The following PSD3 variants were observed in gnomAD, a reference collection of about 807,000 sequenced individuals.
PSD3 encodes the protein PH and SEC7 domain-containing protein 3.
Under a neutral mutation model 105.5 loss-of-function variants are expected in PSD3, and 49 were observed. The observed-to-expected ratio is 0.46, with a 90% CI of 0.37 to 0.59. PSD3 has a LOEUF of 0.59. Among genes scored for constraint, PSD3 ranks in the 20% least tolerant of loss-of-function variants. The pLI, the probability that PSD3 is intolerant of heterozygous loss-of-function variation, is 0.00. For missense variants in PSD3, 1,561 were observed against 1,263.8 expected (o/e 1.24, Z -3.57); for synonymous variants, 557 against 457.8 (o/e 1.22, Z -2.77).
chr8:18,622,510 G>T (rs1563390038), intron 11 of PSD3, among the ~76,000 whole-genome samples: 1 of 151,924 alleles, frequency 6.6e-6, no homozygotes, highest in South Asian at 2.1e-4. Context: ...GCTTTTATTT[G>T]TATCTGTATT....
At chr8:18,624,695 GAAT>G (rs554598106) in intron 11 of PSD3, among the ~76,000 whole-genome samples, 2 of 134,214 alleles carry the variant, frequency 1.5e-5, no homozygotes, top group South Asian at 4.9e-4. Flanking sequence ...AAAAAAAAAA[GAAT>G]AAAAGAAAAA....
intron 4 of PSD3, among the ~76,000 whole-genome samples, chr8:18,813,855 T>C (rs1190002913): frequency 6.6e-6 from 1 of 152,210 alleles, no homozygotes; most frequent in East Asian, 1.9e-4. Context: ...ATGCTTGGCA[T>C]GTAAGATGTC....
chr8:18,653,517 G>A lies in PSD3; in HGVS notation c.2216+2125C>T, dbSNP rs145604320. On this transcript the variant is annotated intron_variant, in intron 10 of 15. Transcript: ENST00000327040. ...ATATTTGCTCAGTCTTGCAAAAGAG[G>A]AAACTGAGGACTACAGGTTAACTTG... Among the ~76,000 whole-genome samples, 756 of 152,234 alleles carry A rather than the reference G, an allele frequency of 5.0e-3. 7 individuals are homozygous for A. The highest frequency in any genetic ancestry group is 0.017 in the African/African-American group (701 of 41,560).
At chr8:18,599,520 C>CTACA (rs1804279260) in intron 12 of PSD3, among the ~76,000 whole-genome samples, 1 of 152,132 alleles carries the variant, frequency 6.6e-6, no homozygotes, top group Admixed American at 6.5e-5. Flanking sequence ...AGAATATGTG[C>CTACA]TACAGTAGGC....
intron 4 of PSD3, among the ~76,000 whole-genome samples, chr8:18,857,346 G>T (rs773503656): frequency 6.6e-6 from 1 of 152,110 alleles, no homozygotes; most frequent in Non-Finnish European, 1.5e-5. Context: ...AATTTTGCTC[G>T]AGCAGGTCCA....
intron 1 of PSD3, among the ~76,000 whole-genome samples, chr8:19,049,474 G>C (rs1280046437): frequency 1.3e-5 from 2 of 152,052 alleles, no homozygotes; most frequent in African/African-American, 2.4e-5. Flanking sequence ...AGAAATGCTT[G>C]AGGCCAGAAG....
intron 9 of PSD3, among the ~76,000 whole-genome samples, chr8:18,710,731 G>T (rs1802201605): frequency 6.6e-6 from 1 of 152,042 alleles, no homozygotes; most frequent in Non-Finnish European, 1.5e-5. Flanking sequence ...GCCAAGGCTG[G>T]AGTGCAGTGG....
At chr8:18,708,969 C>T (rs79469673) in intron 9 of PSD3, among the ~76,000 whole-genome samples, 12,611 of 152,202 alleles carry the variant, frequency 0.083, 1,124 homozygotes, top group East Asian at 0.22. Flanking sequence ...AGTATCTATG[C>T]AACCTGCGGA....
At chr8:18,878,406 T>C (rs1817874399) in intron 2 of PSD3, among the ~76,000 whole-genome samples, 1 of 152,142 alleles carries the variant, frequency 6.6e-6, no homozygotes, top group African/African-American at 2.4e-5. Flanking sequence ...ACAATCCCAA[T>C]CCATCTTTCT....
chr8:18,871,831 T>A lies in PSD3; in HGVS notation c.1033A>T (p.Ile345Phe). Residue 345 changes from isoleucine to phenylalanine, a missense_variant, in exon 3 of 16, where the codon ATC becomes TTC. Physicochemically the swap from Ile to Phe is conservative, Grantham distance 21. Transcript: ENST00000327040. ...KESSKVPRHLISSAGLCNSSS... is the reference protein window; with the variant it reads ...KESSKVPRHLFSSAGLCNSSS... Reference sequence around the variant, plus strand: ...GAATTACACAAACCAGCTGATGAGATGAGATGGCGTGGCACTTTGGAAGAC... The same window carrying A: ...GAATTACACAAACCAGCTGATGAGAAGAGATGGCGTGGCACTTTGGAAGAC... The A allele has an allele frequency of 6.2e-7, 1 of 1,613,348 alleles. No homozygotes were observed. The highest frequency in any genetic ancestry group is 8.5e-7 in the Non-Finnish European group (1 of 1,179,224).
At chr8:18,773,553 G>A (rs982442286) in intron 8 of PSD3, among the ~76,000 whole-genome samples, 1 of 152,086 alleles carries the variant, frequency 6.6e-6, no homozygotes, top group African/African-American at 2.4e-5. Context: ...TGAATCTGTA[G>A]ATTACTTTGT....
chr8:18,686,628 C>T (rs1363126070), intron 9 of PSD3, among the ~76,000 whole-genome samples: 1 of 152,164 alleles, frequency 6.6e-6, no homozygotes, highest in Non-Finnish European at 1.5e-5. Flanking sequence ...CAGACCTCAG[C>T]ATCCAGGGGC....
chr8:18,837,925 A>AT (rs11408196), intron 4 of PSD3, among the ~76,000 whole-genome samples: 74,777 of 151,984 alleles, frequency 0.49, 18,594 homozygotes, highest in African/African-American at 0.53. Flanking sequence ...TGAAGATGCC[A>AT]GTTGTCTATC....
intron 9 of PSD3, among the ~76,000 whole-genome samples, chr8:18,731,916 G>A (rs1343618608): frequency 6.6e-6 from 1 of 152,176 alleles, no homozygotes; most frequent in African/African-American, 2.4e-5. Flanking sequence ...TGAGTAGGAT[G>A]CACAGCTATT....
chr8:18,840,036 T>C (rs1185090074), intron 4 of PSD3, among the ~76,000 whole-genome samples: 25 of 152,212 alleles, frequency 1.6e-4, no homozygotes, highest in Non-Finnish European at 1.2e-4. Context: ...AATACTGGCT[T>C]GTGCTTAGTA....
intron 9 of PSD3, among the ~76,000 whole-genome samples, chr8:18,676,577 C>A (rs1385425594): frequency 6.6e-6 from 1 of 152,164 alleles, no homozygotes; most frequent in African/African-American, 2.4e-5. Context: ...AGTGTCCTAT[C>A]CTGAGTAGGA....
chr8:18,814,912 C>A lies in PSD3; in HGVS notation c.1635-10014G>T, dbSNP rs537017647. Among the ~76,000 whole-genome samples the A allele has an allele frequency of 3.3e-5, 5 of 152,230 alleles. No individual in the cohort carries two copies. In the South Asian group the frequency reaches 1.0e-3, roughly 32 times the overall value. On this transcript the variant is annotated intron_variant, in intron 4 of 15. Coordinates refer to ENST00000327040, the MANE Select transcript of PSD3 (RefSeq NM_015310.4). ...AGAAGCTGGGCAGCAAAAGGCGGCA[C>A]AAAGCACAAAGTAGACATGCCTTAT...
intron 12 of PSD3, among the ~76,000 whole-genome samples, chr8:18,578,329 G>C (rs184817885): frequency 6.6e-6 from 1 of 152,188 alleles, no homozygotes; most frequent in Admixed American, 6.5e-5. Flanking sequence ...TAGTTGTGCA[G>C]ACTGTAGCTA....
At chr8:18,612,678 C>T (rs1805357118) in intron 11 of PSD3, among the ~76,000 whole-genome samples, 1 of 152,156 alleles carries the variant, frequency 6.6e-6, no homozygotes, top group South Asian at 2.1e-4. Flanking sequence ...CCTACTGATG[C>T]ATTTTTAACA....
Sources: gnomAD v4.1 joint callset for allele counts (sites outside exome capture counted in the v4.1 genomes callset) on GRCh38, gnomAD v4.1.1 for gene constraint, MANE v1.5 for transcripts, NCBI Gene and HGNC (gene_info 2026-07-23, HGNC 2026-07-21) for gene names.